Variants in MITF observed in about 807,000 individuals in gnomAD.
MITF encodes melanocyte inducing transcription factor, also known as microphthalmia-associated transcription factor.
In MITF, 17 loss-of-function variants were observed where a neutral mutation model predicts 60.5. That is an observed-to-expected ratio of 0.28 (90% CI 0.19 to 0.42). MITF has a LOEUF of 0.42. Among genes scored for constraint, MITF ranks in the 10% least tolerant of loss-of-function variants. MITF has a pLI of 1.00. For missense variants in MITF, 622 were observed against 683.5 expected, an observed-to-expected ratio of 0.91 and a Z score of 1.00; for synonymous variants, 260 against 248.5, an observed-to-expected ratio of 1.05 and a Z score of -0.43.
At chr3:69,906,354 G>T (rs547781779) in intron 2 of MITF, among the ~76,000 whole-genome samples, 1 of 152,104 alleles carries the variant, frequency 6.6e-6, no homozygotes, top group African/African-American at 2.4e-5. Flanking sequence ...AGTGTAGCAA[G>T]TAAGTCTTGG....
chr3:69,861,145 G>T (rs1165259849), intron 1 of MITF, among the ~76,000 whole-genome samples: 1 of 152,170 alleles, frequency 6.6e-6, no homozygotes, highest in Non-Finnish European at 1.5e-5. Flanking sequence ...GTACACAGTT[G>T]TATATCCCAT....
intron 1 of MITF, among the ~76,000 whole-genome samples, chr3:69,804,868 T>A (rs1179245456): frequency 6.6e-6 from 1 of 152,184 alleles, no homozygotes. Context: ...GTCCCTTGAA[T>A]TTGAAAGGCT....
chr3:69,761,987 C>T (rs1455929201), intron 1 of MITF, among the ~76,000 whole-genome samples: 1 of 152,070 alleles, frequency 6.6e-6, no homozygotes, highest in African/African-American at 2.4e-5. Flanking sequence ...TTCTGCTAAC[C>T]TGACTTGTTG....
intron 1 of MITF, chr3:69,751,989 C>T (rs1703956396): frequency 6.6e-6 from 1 of 152,212 alleles, no homozygotes; most frequent in South Asian, 2.1e-4. Flanking sequence ...CGCTGCTGCT[C>T]CCACCACGTG....
intron 5 of MITF, among the ~76,000 whole-genome samples, chr3:69,942,027 A>G (rs554381008): frequency 1.3e-5 from 2 of 152,170 alleles, no homozygotes; most frequent in Non-Finnish European, 2.9e-5. Context: ...CTTACGCAAG[A>G]TTACATAGCT....
At chr3:69,872,642 A>C (rs1044723081) in intron 1 of MITF, among the ~76,000 whole-genome samples, 2 of 152,146 alleles carry the variant, frequency 1.3e-5, no homozygotes, top group Non-Finnish European at 2.9e-5. Context: ...TGGGAAACTT[A>C]TTAAGGTTCT....
rs756063005 is a variant in MITF, at chr3:69,965,214, G to C, written c.1547G>C (p.Ser516Thr). Residue 516 changes from serine (S) to threonine (T), a missense_variant, in exon 10 of 10, where the codon AGT (serine) becomes ACT (threonine). This residue lies in a region of MITF where 224 missense variants were observed against 209.5 expected (regional missense o/e 1.07). Transcript: ENST00000352241. ...TCCAAAACAAGCAGCCGGAGGAGCA[G>C]TATGAGCATGGAAGAGACGGAGCAC... ...GASKTSSRRS[S>T]MSMEETEHTC The C allele has an allele frequency of 1.9e-6, 3 of 1,613,976 alleles. No individual in the cohort carries two copies. In the Admixed American group the frequency reaches 5.0e-5, roughly 27 times the overall value.
chr3:69,948,135 A>G (rs2066146184), intron 5 of MITF, among the ~76,000 whole-genome samples: 1 of 152,216 alleles, frequency 6.6e-6, no homozygotes, highest in Non-Finnish European at 1.5e-5. Context: ...GAATCAATCT[A>G]GTAATGGTAC....
At chr3:69,907,061 G>C (rs12107258) in intron 2 of MITF, among the ~76,000 whole-genome samples, 2,332 of 152,198 alleles carry the variant, frequency 0.015, 29 homozygotes, top group Middle Eastern at 0.051. Flanking sequence ...GGTTTAACAA[G>C]TTACCCAAAG....
Position 69,939,185 on chromosome 3 carries a change from C to G in MITF, c.666+4C>G. 8.1e-6 allele frequency: 13 copies of G among 1,613,372 alleles called. No individual in the cohort carries two copies. Among genetic ancestry groups the G allele is most frequent in the Non-Finnish European group, 1.1e-5 (13 of 1,179,460 alleles). On this transcript the variant is annotated splice_donor_region_variant and intron_variant, in intron 4 of 9. Coordinates refer to ENST00000352241, the MANE Select transcript of MITF (RefSeq NM_001354604.2). ...TTCACGAGCGTCCTGTATGCAGGTA[C>G]TGAATGACTTGGCAGCCTGAGGATG... is the stretch of plus-strand genomic sequence containing the variant.
At chr3:69,931,897 T>C (rs2065732830) in intron 2 of MITF, among the ~76,000 whole-genome samples, 1 of 152,232 alleles carries the variant, frequency 6.6e-6, no homozygotes, top group Non-Finnish European at 1.5e-5. Flanking sequence ...CTATGGTTTC[T>C]AACCCTGGCA....
At chr3:69,918,275 T>C (rs77098408) in intron 2 of MITF, among the ~76,000 whole-genome samples, 2,374 of 152,252 alleles carry the variant, frequency 0.016, 29 homozygotes, top group Middle Eastern at 0.051. Context: ...CTCGAACTTC[T>C]GACCTCAAGT....
At chr3:69,877,150 A>T (rs1009095943) in intron 1 of MITF, among the ~76,000 whole-genome samples, 18 of 152,172 alleles carry the variant, frequency 1.2e-4, no homozygotes, top group African/African-American at 4.3e-4. Context: ...TGCACAATTT[A>T]AAAAAATAGG....
In MITF at chr3:69,965,566, G is replaced by A. The variant is rs1576072467; in HGVS notation, c.*318G>A. On this transcript the variant is annotated 3_prime_UTR_variant, in exon 10 of 10. Transcript: ENST00000352241. ...AAATGTCTGTCCATTTTTATTCAGG[G>A]GAAACTTGATTTGAGATTTTTATGC... is the stretch of plus-strand genomic sequence containing the variant. 2 of 264,330 alleles carry A rather than the reference G, an allele frequency of 7.6e-6. No individual in the cohort carries two copies. Among genetic ancestry groups the A allele is most frequent in the South Asian group, 1.2e-4 (1 of 8,190 alleles). The allele number at this position is 264,330 out of a possible 1,614,324, so 16.4% of individuals were successfully genotyped here. A position where few individuals can be genotyped will look rare whatever the true frequency, so the allele number is the denominator to read the frequency against.
chr3:69,785,715 G>A lies in MITF; in HGVS notation c.104+46014G>A, dbSNP rs200520948. Among the ~76,000 whole-genome samples the A allele has an allele frequency of 1.8e-4, 27 of 152,196 alleles. No homozygotes were observed. The East Asian group carries it at 4.4e-3, about 25-fold the overall frequency. ...TATGAGTTGAGGTTTTGAGTGAGAGGGAAATACAACCTGAGAAAGTTCATC... is the reference window on the plus strand; with the variant it reads ...TATGAGTTGAGGTTTTGAGTGAGAGAGAAATACAACCTGAGAAAGTTCATC... On this transcript the variant is annotated intron_variant, in intron 1 of 9. Coordinates refer to ENST00000352241, the MANE Select transcript of MITF (RefSeq NM_001354604.2).
chr3:69,741,644 G>A (rs1163664498), intron 1 of MITF, among the ~76,000 whole-genome samples: 5 of 152,148 alleles, frequency 3.3e-5, no homozygotes, highest in African/African-American at 7.2e-5. Flanking sequence ...AAACAGGTGT[G>A]GGCCTGAACC....
At chr3:69,796,353 T>C (rs913887404) in intron 1 of MITF, among the ~76,000 whole-genome samples, 5 of 152,154 alleles carry the variant, frequency 3.3e-5, no homozygotes, top group African/African-American at 4.8e-5. Flanking sequence ...TCTTTCTTAT[T>C]TAGAAAAGGG....
intron 2 of MITF, among the ~76,000 whole-genome samples, chr3:69,908,510 A>G (rs1356812472): frequency 1.3e-5 from 2 of 152,192 alleles, no homozygotes. Flanking sequence ...TACTTCAACA[A>G]ACTTAATGAA....
At chr3:69,785,811 G>A (rs2062639440) in intron 1 of MITF, among the ~76,000 whole-genome samples, 1 of 152,160 alleles carries the variant, frequency 6.6e-6, no homozygotes, top group African/African-American at 2.4e-5. Context: ...GAGCAAAAAA[G>A]GAATCGTGGG....
Sources: gnomAD v4.1 joint callset for allele counts (sites outside exome capture counted in the v4.1 genomes callset) on GRCh38, gnomAD v4.1.1 for gene constraint, gnomAD v4.1.1 regional missense constraint, MANE v1.5 for transcripts, NCBI Gene and HGNC (gene_info 2026-07-23, HGNC 2026-07-21) for gene names.